Variants in TBC1D2B observed in about 807,000 individuals in gnomAD.
TBC1D2B encodes the protein TBC1 domain family, member 2B.
A neutral mutation model predicts 100.8 loss-of-function variants in TBC1D2B; 64 were observed. That is an observed-to-expected ratio of 0.64 (90% CI 0.52 to 0.78). The LOEUF is 0.78. Among genes scored for constraint, TBC1D2B ranks in the 30% least tolerant of loss-of-function variants. The probability of loss-of-function intolerance (pLI) is 0.00; values close to 1 mark genes in which losing one functional copy is unlikely to be tolerated. For synonymous variants in TBC1D2B, 480 were observed against 479.7 expected (o/e 1.00, Z -0.01); for missense variants, 1,052 against 1,218.4 (o/e 0.86, Z 2.03).
intron 4 of TBC1D2B, among the ~76,000 whole-genome samples, chr15:78,027,831 T>G (rs2072710239): frequency 6.6e-6 from 1 of 152,242 alleles, no homozygotes; most frequent in South Asian, 2.1e-4. Flanking sequence ...TATCAGCTCG[T>G]ACTGAGCCCC....
At chr15:77,999,843 A>G (rs1013785239) in intron 12 of TBC1D2B, among the ~76,000 whole-genome samples, 7 of 152,276 alleles carry the variant, frequency 4.6e-5, no homozygotes, top group South Asian at 4.1e-4. Context: ...TCCTCTGGGA[A>G]ATGAGAAGGT....
Position 77,998,167 on chromosome 15 carries a change from T to C in TBC1D2B, c.2885A>G (p.Asp962Gly). Reference protein sequence around the residue: ...KGELVSDEEEDT With the variant: ...KGELVSDEEEGT Reference sequence around the variant, plus strand: ...GCAGCATCCCGAGCCCACTCAGGTATCCTCCTCCTCGTCACTGACCAGCTC... The same window carrying C: ...GCAGCATCCCGAGCCCACTCAGGTACCCTCCTCCTCGTCACTGACCAGCTC... Residue 962 changes from aspartate (D) to glycine (G), a missense_variant, in exon 13 of 13, where the codon GAT becomes GGT. Asp to Gly is a moderately conservative substitution (Grantham distance 94). This residue lies in a region of TBC1D2B where 47 missense variants were observed against 88.3 expected (regional missense o/e 0.53). Coordinates refer to ENST00000300584, the MANE Select transcript of TBC1D2B (RefSeq NM_144572.2). 1 of 1,534,158 alleles carries C rather than the reference T, an allele frequency of 6.5e-7. No homozygotes were observed. Among genetic ancestry groups the C allele is most frequent in the Non-Finnish European group, 8.8e-7 (1 of 1,136,774 alleles).
intron 11 of TBC1D2B, chr15:78,002,666 C>T (rs2141620732): frequency 6.6e-6 from 1 of 152,496 alleles, no homozygotes; most frequent in South Asian, 2.1e-4. Flanking sequence ...TATATTTTAA[C>T]TCCTCAGCTC....
chr15:78,030,232 T>G (rs1012465615), intron 3 of TBC1D2B, 62 bp from the exon 4 acceptor site: 3 of 1,462,842 alleles, frequency 2.1e-6, no homozygotes, highest in African/African-American at 1.4e-5. Flanking sequence ...CGTAATCTCA[T>G]GTATATAGGA....
At chr15:78,030,318 T>C (rs911569396) in intron 3 of TBC1D2B, 148 bp from the exon 4 acceptor site, 4 of 669,702 alleles carry the variant, frequency 6.0e-6, no homozygotes, top group South Asian at 2.1e-5. Flanking sequence ...CTTTTTTTTT[T>C]TGAAATGGAG....
intron 1 of TBC1D2B, 49 bp from the exon 2 acceptor site, chr15:78,054,236 G>A (rs915871038): frequency 6.4e-7 from 1 of 1,563,298 alleles, no homozygotes; most frequent in Admixed American, 1.9e-5. Context: ...GTAATATGAA[G>A]AGCTTAAAAA....
intron 1 of TBC1D2B, among the ~76,000 whole-genome samples, chr15:78,061,074 C>G (rs1394270748): frequency 1.3e-5 from 2 of 148,806 alleles, no homozygotes; most frequent in Admixed American, 6.7e-5. Flanking sequence ...GGTAAAACCT[C>G]GTCTCTATTA....
intron 3 of TBC1D2B, among the ~76,000 whole-genome samples, chr15:78,032,719 C>T (rs755371705): frequency 4.6e-5 from 7 of 150,954 alleles, no homozygotes; most frequent in African/African-American, 7.3e-5. Flanking sequence ...ACAATGCCTA[C>T]GATGAAAAAC....
chr15:78,065,461 G>A (rs569010974), intron 1 of TBC1D2B, among the ~76,000 whole-genome samples: 2 of 152,154 alleles, frequency 1.3e-5, no homozygotes, highest in Non-Finnish European at 2.9e-5. Context: ...GCCACTCTCC[G>A]GACATGCTCG....
intron 10 of TBC1D2B, among the ~76,000 whole-genome samples, chr15:78,008,765 G>C (rs2072141281): frequency 1.3e-5 from 2 of 152,188 alleles, no homozygotes; most frequent in Admixed American, 6.5e-5. Flanking sequence ...CTGCAGGACG[G>C]GTCTGTCTCT....
Position 78,072,118 on chromosome 15 carries a change from C to A in TBC1D2B, c.360+5175G>T, listed in dbSNP as rs1480208984. On this transcript the variant is annotated intron_variant, in intron 1 of 12. Coordinates refer to ENST00000300584, the MANE Select transcript of TBC1D2B (RefSeq NM_144572.2). ...ATCATCACACTGGGAGCTGGCACTT[C>A]AACATACGAATTTTTCAGGAACACA... Among the ~76,000 whole-genome samples, 3 of 152,320 alleles carry A rather than the reference C, an allele frequency of 2.0e-5. No homozygotes were observed. The East Asian group carries it at 5.8e-4, about 29-fold the overall frequency.
At chr15:78,061,440 G>T (rs1218190248) in intron 1 of TBC1D2B, among the ~76,000 whole-genome samples, 1 of 151,950 alleles carries the variant, frequency 6.6e-6, no homozygotes, top group Non-Finnish European at 1.5e-5. Flanking sequence ...AGGTGTGGTG[G>T]TGCATGCCTG....
At chr15:78,015,530 C>T (rs1369282171) in intron 8 of TBC1D2B, among the ~76,000 whole-genome samples, 2 of 152,216 alleles carry the variant, frequency 1.3e-5, no homozygotes, top group Admixed American at 6.5e-5. Context: ...CAAGAGCTCA[C>T]AGAAGTTAAC....
intron 3 of TBC1D2B, among the ~76,000 whole-genome samples, chr15:78,032,138 G>A (rs746437247): frequency 1.1e-4 from 17 of 152,302 alleles, no homozygotes; most frequent in African/African-American, 3.6e-4. Context: ...AAAGCTATCC[G>A]AGGACAGGGA....
chr15:78,024,629 CAG>C lies in TBC1D2B; in HGVS notation c.1087-92_1087-91del, dbSNP rs988912460. 4.0e-6 allele frequency: 5 copies of C among 1,235,394 alleles called. No individual in the cohort carries two copies. The African/African-American group carries it at 6.1e-5, about 15-fold the overall frequency. 76.5% of individuals were successfully genotyped at this position (1,235,394 alleles called of 1,614,324 possible). ...TCATGACATTACATGGAGTAATCGA[CAG>C]AGTTTGAGGAAATGTAGAAACTTTA... On this transcript the variant is annotated intron_variant, in intron 5 of 12. Transcript: ENST00000300584.
At chr15:78,024,616 A>G (rs2072610701) in intron 5 of TBC1D2B, 77 bp from the exon 6 acceptor site, 1 of 1,324,366 alleles carries the variant, frequency 7.6e-7, no homozygotes, top group Non-Finnish European at 1.0e-6. Context: ...ATGACATTAC[A>G]TGGAGTAATC....
intron 3 of TBC1D2B, among the ~76,000 whole-genome samples, chr15:78,033,316 TC>T (rs2072863240): frequency 6.6e-6 from 1 of 152,084 alleles, no homozygotes; most frequent in Non-Finnish European, 1.5e-5. Flanking sequence ...CCCATCCTTA[TC>T]CCTAAAGCAA....
At chr15:78,047,785 A>G (rs2073228486) in intron 2 of TBC1D2B, among the ~76,000 whole-genome samples, 1 of 152,114 alleles carries the variant, frequency 6.6e-6, no homozygotes, top group African/African-American at 2.4e-5. Context: ...GAGTGTACCT[A>G]CTAGAGAGCA....
intron 8 of TBC1D2B, among the ~76,000 whole-genome samples, chr15:78,014,011 C>T (rs913386452): frequency 6.6e-6 from 1 of 152,006 alleles, no homozygotes; most frequent in Non-Finnish European, 1.5e-5. Flanking sequence ...GCTGCTGCCC[C>T]GAAGATGGGA....
Sources: gnomAD v4.1 joint callset for allele counts (sites outside exome capture counted in the v4.1 genomes callset) on GRCh38, gnomAD v4.1.1 for gene constraint, gnomAD v4.1.1 regional missense constraint, MANE v1.5 for transcripts, NCBI Gene and HGNC (gene_info 2026-07-23, HGNC 2026-07-21) for gene names.